MYOZ2: variants seen among roughly 807,000 people sequenced by gnomAD.
The protein encoded by MYOZ2 is myozenin-2.
A neutral mutation model predicts 25.4 loss-of-function variants in MYOZ2; 19 were observed. The ratio of observed to expected loss-of-function variants is 0.75; its 90% CI spans 0.52 to 1.10. MYOZ2 has a LOEUF of 1.10. MYOZ2 is among the 50% of genes least tolerant of loss of function. MYOZ2 has a pLI of 0.00. For missense variants in MYOZ2, 270 were observed against 317.9 expected (o/e 0.85, Z 1.15); for synonymous variants, 92 against 106.9 (o/e 0.86, Z 0.86).
At chr4:119,182,091 C>A (rs1464637899) in intron 5 of MYOZ2, among the ~76,000 whole-genome samples, 1 of 152,128 alleles carries the variant, frequency 6.6e-6, no homozygotes, top group Non-Finnish European at 1.5e-5. Context: ...ATAAAAACTT[C>A]TTAAAAGAGG....
chr4:119,175,032 C>T (rs139326142), intron 5 of MYOZ2, among the ~76,000 whole-genome samples: 4 of 151,706 alleles, frequency 2.6e-5, no homozygotes, highest in East Asian at 1.9e-4. Flanking sequence ...CGAACACATC[C>T]GAACATCAGA....
At position 119,187,304 on chromosome 4, in the gene MYOZ2, C is replaced by T. The variant is rs954554096; in HGVS notation, c.*1104C>T. ...TATAGAAATCAGTATCAATTCCTCC[C>T]ATTTCAATTCAGTTAAGACTTCTGT... is the stretch of plus-strand genomic sequence containing the variant. On this transcript the variant is annotated 3_prime_UTR_variant, in exon 6 of 6. Coordinates refer to ENST00000307128, the MANE Select transcript of MYOZ2 (RefSeq NM_016599.5). 2.0e-5 allele frequency: 3 copies of T among 152,068 alleles called. No individual in the cohort carries two copies. Among genetic ancestry groups the T allele is most frequent in the African/African-American group, 7.2e-5 (3 of 41,432 alleles). 9.4% of individuals were successfully genotyped at this position (152,068 alleles called of 1,614,324 possible). A position where few individuals can be genotyped will look rare whatever the true frequency, so the allele number is the denominator to read the frequency against.
At chr4:119,140,284 CT>C (rs1741134250) in intron 2 of MYOZ2, among the ~76,000 whole-genome samples, 1 of 152,158 alleles carries the variant, frequency 6.6e-6, no homozygotes, top group African/African-American at 2.4e-5. Flanking sequence ...ATGAAGACCG[CT>C]TTTACTTCTC....
At chr4:119,155,963 G>A (rs1324677265) in intron 3 of MYOZ2, among the ~76,000 whole-genome samples, 3 of 152,030 alleles carry the variant, frequency 2.0e-5, no homozygotes, top group African/African-American at 7.2e-5. Context: ...GCTAATATTC[G>A]CTGACTGCTT....
intron 5 of MYOZ2, among the ~76,000 whole-genome samples, chr4:119,174,611 T>A (rs1053457082): frequency 6.6e-6 from 1 of 152,088 alleles, no homozygotes; most frequent in African/African-American, 2.4e-5. Context: ...AACCTTTGTA[T>A]CTAGCTCAGG....
At chr4:119,145,227 C>T (rs887097561) in intron 2 of MYOZ2, among the ~76,000 whole-genome samples, 1 of 151,008 alleles carries the variant, frequency 6.6e-6, no homozygotes, top group Non-Finnish European at 1.5e-5. Flanking sequence ...ATATAAAATT[C>T]TTTTCATATA....
chr4:119,170,342 A>G (rs955309281), intron 5 of MYOZ2, among the ~76,000 whole-genome samples: 4 of 151,838 alleles, frequency 2.6e-5, no homozygotes, highest in Admixed American at 6.6e-5. Flanking sequence ...GCTAAAAAAA[A>G]TTTTCATAAG....
intron 4 of MYOZ2, 101 bp downstream of exon 4, chr4:119,158,252 A>G: frequency 2.1e-6 from 3 of 1,461,866 alleles, no homozygotes; most frequent in Non-Finnish European, 2.8e-6. Flanking sequence ...TAAATAATAT[A>G]TCTTTTCTCA....
At chr4:119,185,754 A>G (rs1345308122) in intron 5 of MYOZ2, among the ~76,000 whole-genome samples, 1 of 152,224 alleles carries the variant, frequency 6.6e-6, no homozygotes, top group Non-Finnish European at 1.5e-5. Flanking sequence ...TTTGTTATCA[A>G]TATTTGGTTT....
chr4:119,182,517 T>A (rs1235393647), intron 5 of MYOZ2, among the ~76,000 whole-genome samples: 1 of 150,518 alleles, frequency 6.6e-6, no homozygotes, highest in East Asian at 1.9e-4. Context: ...TGGAAGACAA[T>A]GTTTCCAAGA....
intron 5 of MYOZ2, among the ~76,000 whole-genome samples, chr4:119,172,488 C>G (rs1741967460): frequency 6.6e-6 from 1 of 152,160 alleles, no homozygotes; most frequent in Non-Finnish European, 1.5e-5. Context: ...GCCACAAGAT[C>G]AGATGAACCA....
intron 2 of MYOZ2, among the ~76,000 whole-genome samples, chr4:119,145,338 G>GTTTTTTTT (rs60344545): frequency 2.0e-5 from 2 of 100,614 alleles, no homozygotes; most frequent in African/African-American, 8.7e-5. Context: ...TGCGTGTGTG[G>GTTTTTTTT]TTTTTTTTTT....
intron 3 of MYOZ2, among the ~76,000 whole-genome samples, chr4:119,156,180 T>A (rs1428607379): frequency 1.3e-5 from 2 of 151,400 alleles, no homozygotes; most frequent in Non-Finnish European, 2.9e-5. Flanking sequence ...GGAAGGGGTG[T>A]TTTTTAAATC....
At chr4:119,140,737 CT>C (rs1741144022) in intron 2 of MYOZ2, among the ~76,000 whole-genome samples, 1 of 152,158 alleles carries the variant, frequency 6.6e-6, no homozygotes, top group Non-Finnish European at 1.5e-5. Context: ...GACATACATC[CT>C]ATAAACAGAA....
At chr4:119,177,263 G>C (rs1742093801) in intron 5 of MYOZ2, among the ~76,000 whole-genome samples, 1 of 151,984 alleles carries the variant, frequency 6.6e-6, no homozygotes, top group Admixed American at 6.6e-5. Context: ...AACTTTTAAA[G>C]CTCCAATTCT....
intron 5 of MYOZ2, 79 bp downstream of exon 5, chr4:119,164,473 C>G (rs1280156899): frequency 7.6e-6 from 11 of 1,456,776 alleles, no homozygotes; most frequent in Non-Finnish European, 1.0e-5. Flanking sequence ...ACTGAATTCC[C>G]TGGTAGAAAG....
At chr4:119,139,779 A>T (rs988800379) in intron 2 of MYOZ2, among the ~76,000 whole-genome samples, 2 of 152,190 alleles carry the variant, frequency 1.3e-5, no homozygotes, top group Middle Eastern at 3.2e-3. Flanking sequence ...AGAGCTTCAT[A>T]AATAGAGAAG....
intron 4 of MYOZ2, among the ~76,000 whole-genome samples, chr4:119,158,770 G>A (rs11731008): frequency 0.36 from 54,949 of 151,852 alleles, 10,737 homozygotes; most frequent in Non-Finnish European, 0.45. Context: ...GATATATATT[G>A]TCTTCTTTAA....
chr4:119,181,144 T>C (rs530331447), intron 5 of MYOZ2, among the ~76,000 whole-genome samples: 4 of 152,340 alleles, frequency 2.6e-5, no homozygotes, highest in African/African-American at 9.6e-5. Flanking sequence ...ATTCCTTTTA[T>C]ACATTCCTTC....
Sources: gnomAD v4.1 joint callset for allele counts (sites outside exome capture counted in the v4.1 genomes callset) on GRCh38, gnomAD v4.1.1 for gene constraint, MANE v1.5 for transcripts, NCBI Gene and HGNC (gene_info 2026-07-23, HGNC 2026-07-21) for gene names.